Variants in GSAP observed in about 807,000 individuals in gnomAD.
GSAP encodes gamma-secretase activating protein.
Under a neutral mutation model 131.7 loss-of-function variants are expected in GSAP, and 118 were observed. The observed-to-expected ratio is 0.90, with a 90% CI of 0.77 to 1.04. The LOEUF is 1.04. Among genes scored for constraint, GSAP ranks in the 50% least tolerant of loss-of-function variants. The pLI is 0.00. For synonymous variants in GSAP, 381 were observed against 363.4 expected, an observed-to-expected ratio of 1.05 and a Z score of -0.55; for missense variants, 1,019 against 1,013.2, an observed-to-expected ratio of 1.01 and a Z score of -0.08.
At chr7:77,314,700 A>G in intron 26 of GSAP, 1 of 480,930 alleles carries the variant, frequency 2.1e-6, no homozygotes, top group East Asian at 4.1e-5. Context: ...CGGTAAGTAT[A>G]CATTCCTTGC....
chr7:77,380,739 A>G (rs1257432311), intron 8 of GSAP, among the ~76,000 whole-genome samples: 3 of 151,984 alleles, frequency 2.0e-5, no homozygotes, highest in African/African-American at 7.2e-5. Flanking sequence ...AAAACAAGCA[A>G]AAAAAAATTA....
chr7:77,347,744 A>G (rs1792123941), intron 19 of GSAP, among the ~76,000 whole-genome samples: 1 of 152,164 alleles, frequency 6.6e-6, no homozygotes, highest in Non-Finnish European at 1.5e-5. Flanking sequence ...AAATATGCAT[A>G]CCTATAACAA....
chr7:77,329,449 A>G (rs1788767239), intron 20 of GSAP, 58 bp from the exon 21 acceptor site: 2 of 917,636 alleles, frequency 2.2e-6, no homozygotes, highest in African/African-American at 1.7e-5. Context: ...GTGACTTTTC[A>G]CGTCAAGGAT....
chr7:77,340,736 G>A (rs1047733531), intron 19 of GSAP, among the ~76,000 whole-genome samples: 2 of 152,166 alleles, frequency 1.3e-5, no homozygotes, highest in African/African-American at 4.8e-5. Context: ...CACTCCATTG[G>A]TGTCTGATCA....
At chr7:77,322,618 G>A in intron 24 of GSAP, among the ~76,000 whole-genome samples, 1 of 130,870 alleles carries the variant, frequency 7.6e-6, no homozygotes, top group Admixed American at 8.0e-5. Flanking sequence ...GCAAGTTAAT[G>A]TCAACATGGG....
chr7:77,337,014 CT>C (rs1790085690), intron 19 of GSAP, among the ~76,000 whole-genome samples: 1 of 152,158 alleles, frequency 6.6e-6, no homozygotes, highest in African/African-American at 2.4e-5. Flanking sequence ...AAATTGTAAA[CT>C]ATTATACTGT....
In GSAP at chr7:77,321,404, C is replaced by T; in HGVS notation, c.1924-1G>A. 1.3e-6 allele frequency: 2 copies of T among 1,596,482 alleles called. No individual in the cohort carries two copies. The highest frequency in any genetic ancestry group is 1.7e-6 in the Non-Finnish European group (2 of 1,164,156). ...CTACGATGTGGCAAATGAGATCCAGCTGGAGGGTGAAGACAGTCCATTAAC... is the reference window on the plus strand; with the variant it reads ...CTACGATGTGGCAAATGAGATCCAGTTGGAGGGTGAAGACAGTCCATTAAC... On this transcript the variant is annotated splice_acceptor_variant, in intron 24 of 30. Transcript: ENST00000257626. LOFTEE classifies it high-confidence loss of function.
At chr7:77,356,801 G>A (rs1793803430) in intron 14 of GSAP, among the ~76,000 whole-genome samples, 1 of 152,194 alleles carries the variant, frequency 6.6e-6, no homozygotes, top group Admixed American at 6.5e-5. Context: ...GAGCCAGCTA[G>A]ACTCCTTTTC....
rs375595494 is a variant in GSAP, at chr7:77,402,616, A to AAAAAAAAAAAAAAAAAAAAAAAAAAAAAT, written c.243+1942_243+1943insATTTTTTTTTTTTTTTTTTTTTTTTTTTT. Reference sequence around the variant, plus strand: ...CTCAAAAAAAAAAAAAAAAAAAAAAAGAATTTTAAAGCCCATCTAGATTTG... The same window carrying AAAAAAAAAAAAAAAAAAAAAAAAAAAAAT: ...CTCAAAAAAAAAAAAAAAAAAAAAAAAAAAAAAAAAAAAAAAAAAAAAAAAAAATGAATTTTAAAGCCCATCTAGATTTG... On this transcript the variant is annotated intron_variant, in intron 3 of 30. Transcript: ENST00000257626. 3.5e-3 allele frequency among the ~76,000 whole-genome samples: 285 copies of AAAAAAAAAAAAAAAAAAAAAAAAAAAAAT among 80,468 alleles called. 59 individuals are homozygous for AAAAAAAAAAAAAAAAAAAAAAAAAAAAAT. The highest frequency in any genetic ancestry group is 0.01 in the Middle Eastern group (1 of 98). The allele number at this position is 80,468 out of a possible 152,430, so 52.8% of individuals were successfully genotyped here. A position where few individuals can be genotyped will look rare whatever the true frequency, so the allele number is the denominator to read the frequency against.
chr7:77,340,232 C>T lies in GSAP; in HGVS notation c.1545+9119G>A, dbSNP rs76856847. 1.4e-3 allele frequency among the ~76,000 whole-genome samples: 218 copies of T among 152,306 alleles called. 2 individuals are homozygous for T. The East Asian group carries it at 0.035, about 24-fold the overall frequency. On this transcript the variant is annotated intron_variant, in intron 19 of 30. Transcript: ENST00000257626. Reference sequence around the variant, plus strand: ...GTAATTTTCCACTACCCACCCAAATCCTATGAAACAGTCCCACCCCTCTAT... The same window carrying T: ...GTAATTTTCCACTACCCACCCAAATTCTATGAAACAGTCCCACCCCTCTAT...
At chr7:77,369,276 C>A (rs1174568917) in intron 12 of GSAP, among the ~76,000 whole-genome samples, 3 of 152,142 alleles carry the variant, frequency 2.0e-5, no homozygotes, top group Admixed American at 2.0e-4. Flanking sequence ...GTAAGATATG[C>A]TTTCAATGCT....
At chr7:77,383,814 T>C (rs777444589) in intron 6 of GSAP, among the ~76,000 whole-genome samples, 1 of 152,236 alleles carries the variant, frequency 6.6e-6, no homozygotes, top group Non-Finnish European at 1.5e-5. Flanking sequence ...GGCACAACTT[T>C]TATGTCCCAA....
Position 77,381,221 on chromosome 7 carries a change from T to G in GSAP, c.576+84A>C, listed in dbSNP as rs987780169. ...AAATAAAGAAAACATTATATATCAA[T>G]AACATTATCTTTAGCAGTCTAGTAA... On this transcript the variant is annotated intron_variant, in intron 8 of 30. Transcript: ENST00000257626. The G allele has an allele frequency of 6.2e-6, 4 of 648,268 alleles. No homozygotes were observed. The African/African-American group carries it at 7.6e-5, about 12-fold the overall frequency. 40.2% of individuals were successfully genotyped at this position (648,268 alleles called of 1,614,324 possible).
intron 14 of GSAP, among the ~76,000 whole-genome samples, chr7:77,358,147 C>T (rs1466920114): frequency 6.6e-6 from 1 of 152,122 alleles, no homozygotes; most frequent in Non-Finnish European, 1.5e-5. Flanking sequence ...TCGAGACCAG[C>T]CTGGGCAGCA....
intron 5 of GSAP, among the ~76,000 whole-genome samples, chr7:77,388,395 G>T (rs892721123): frequency 6.6e-6 from 1 of 152,194 alleles, no homozygotes; most frequent in African/African-American, 2.4e-5. Context: ...CACAGGCTGG[G>T]TTTCCCTCAG....
At chr7:77,350,918 G>A (rs1228450585) in intron 18 of GSAP, 1 of 155,714 alleles carries the variant, frequency 6.4e-6, no homozygotes, top group African/African-American at 2.4e-5. Flanking sequence ...TTTGAAAAGT[G>A]TATCTGTATG....
intron 5 of GSAP, among the ~76,000 whole-genome samples, chr7:77,392,045 G>A (rs186574236): frequency 6.6e-6 from 1 of 151,502 alleles, no homozygotes; most frequent in African/African-American, 2.4e-5. Flanking sequence ...GCCAACACGG[G>A]GAAACCCCGT....
intron 17 of GSAP, 29 bp from the exon 18 acceptor site, chr7:77,353,055 A>G (rs763350374): frequency 3.5e-5 from 43 of 1,228,444 alleles, no homozygotes; most frequent in Non-Finnish European, 4.8e-5. Context: ...AAACAGGGGG[A>G]AAAAAGATGT....
At chr7:77,357,869 T>C (rs1793985878) in intron 14 of GSAP, among the ~76,000 whole-genome samples, 1 of 152,200 alleles carries the variant, frequency 6.6e-6, no homozygotes, top group South Asian at 2.1e-4. Context: ...AGAATATTTG[T>C]GGTGTTTGAA....
Sources: gnomAD v4.1 joint callset for allele counts (sites outside exome capture counted in the v4.1 genomes callset) on GRCh38, gnomAD v4.1.1 for gene constraint, MANE v1.5 for transcripts, NCBI Gene and HGNC (gene_info 2026-07-23, HGNC 2026-07-21) for gene names.